The following SGCD variants were observed in gnomAD, a reference collection of about 807,000 sequenced individuals.
The protein encoded by SGCD is sarcoglycan delta.
A neutral mutation model predicts 36.6 loss-of-function variants in SGCD; 18 were observed. The observed-to-expected ratio is 0.49, with a 90% CI of 0.34 to 0.73. SGCD has a LOEUF of 0.73. Among genes scored for constraint, SGCD ranks in the 30% least tolerant of loss-of-function variants. The pLI, the probability that SGCD is intolerant of heterozygous loss-of-function variation, is 0.01. For synonymous variants in SGCD, 133 were observed against 130.6 expected (o/e 1.02, Z -0.12); for missense variants, 387 against 346.7 (o/e 1.12, Z -0.92).
chr5:156,215,695 G>A (rs775550615), intron 3 of SGCD, among the ~76,000 whole-genome samples: 11 of 152,114 alleles, frequency 7.2e-5, no homozygotes, highest in Non-Finnish European at 1.6e-4. Context: ...TATGAAAAAA[G>A]TGAGGATGTA....
At chr5:156,723,096 C>T (rs1225004045) in intron 7 of SGCD, among the ~76,000 whole-genome samples, 1 of 152,184 alleles carries the variant, frequency 6.6e-6, no homozygotes, top group Non-Finnish European at 1.5e-5. Flanking sequence ...GTAATGCCAG[C>T]ACTACCAAAT....
At chr5:155,739,841 G>A in the SGCD span, among the ~76,000 whole-genome samples, 3 of 152,100 alleles carry the variant, frequency 2.0e-5, no homozygotes, top group Non-Finnish European at 4.4e-5. Flanking sequence ...ATCATCTCAA[G>A]TAGGAAGGAG....
At chr5:156,197,908 G>A (rs901249061) in intron 3 of SGCD, among the ~76,000 whole-genome samples, 32 of 151,934 alleles carry the variant, frequency 2.1e-4, no homozygotes, top group Non-Finnish European at 4.7e-4. Context: ...ATTAACATAC[G>A]TATCCCCTCA....
chr5:156,194,034 T>A (rs2127633858), intron 3 of SGCD, among the ~76,000 whole-genome samples: 1 of 152,334 alleles, frequency 6.6e-6, no homozygotes, highest in African/African-American at 2.4e-5. Context: ...AAAATTTAAA[T>A]TTTTAAATAA....
intron 4 of SGCD, among the ~76,000 whole-genome samples, chr5:156,541,571 C>T (rs1206281136): frequency 6.6e-6 from 1 of 152,028 alleles, no homozygotes; most frequent in African/African-American, 2.4e-5. Context: ...TATTTTTAAA[C>T]AAATGTGTGT....
At chr5:156,544,861 A>G (rs951114637) in intron 4 of SGCD, among the ~76,000 whole-genome samples, 4 of 152,198 alleles carry the variant, frequency 2.6e-5, no homozygotes, top group African/African-American at 9.7e-5. Flanking sequence ...GATGTTAATA[A>G]CATCATTTAT....
At chr5:156,481,162 G>GT (rs1755408169) in intron 3 of SGCD, among the ~76,000 whole-genome samples, 1 of 152,162 alleles carries the variant, frequency 6.6e-6, no homozygotes, top group South Asian at 2.1e-4. Context: ...CATAACAAAA[G>GT]TAAGTATTAT....
chr5:156,704,693 C>T (rs956695374), intron 7 of SGCD, among the ~76,000 whole-genome samples: 3 of 152,046 alleles, frequency 2.0e-5, no homozygotes, highest in Non-Finnish European at 4.4e-5. Context: ...AGGTATCAAG[C>T]AATGACAAGA....
At chr5:156,192,582 C>T (rs138405350) in intron 3 of SGCD, among the ~76,000 whole-genome samples, 1,613 of 151,834 alleles carry the variant, frequency 0.011, 36 homozygotes, top group African/African-American at 0.036. Context: ...TAGTTAACAG[C>T]GTATTATGTA....
intron 1 of SGCD, among the ~76,000 whole-genome samples, chr5:156,070,773 G>T (rs1260338086): frequency 2.0e-5 from 3 of 152,138 alleles, no homozygotes; most frequent in African/African-American, 4.8e-5. Context: ...CACTCTTTTT[G>T]GTTGGTAAGC....
At chr5:156,112,707 A>C (rs1174424543) in intron 1 of SGCD, among the ~76,000 whole-genome samples, 1 of 152,080 alleles carries the variant, frequency 6.6e-6, no homozygotes, top group African/African-American at 2.4e-5. Flanking sequence ...AAATAGGTGA[A>C]TTGTTTGTTT....
rs909067126 is a variant in SGCD at position 156,656,495 on chromosome 5, G to T, written c.575+8959G>T. Among the ~76,000 whole-genome samples, 4 of 152,082 alleles carry T rather than the reference G, an allele frequency of 2.6e-5. No homozygotes were observed. The East Asian group carries it at 7.7e-4, about 29-fold the overall frequency. On this transcript the variant is annotated intron_variant, in intron 7 of 8. Coordinates refer to ENST00000337851, the MANE Select transcript of SGCD (RefSeq NM_000337.6). ...ATAGGTCTTATAATTCAAAAGGAATGGTTCTCTGGGGCCATTTAGCATGGG... is the reference window on the plus strand; with the variant it reads ...ATAGGTCTTATAATTCAAAAGGAATTGTTCTCTGGGGCCATTTAGCATGGG...
intron 4 of SGCD, among the ~76,000 whole-genome samples, chr5:156,543,645 A>G (rs998887260): frequency 3.3e-5 from 5 of 152,294 alleles, no homozygotes; most frequent in African/African-American, 1.2e-4. Flanking sequence ...ATGGGAAAAC[A>G]AATGTAAGGG....
chr5:155,966,773 A>G (rs770398959), intron 1 of SGCD, among the ~76,000 whole-genome samples: 1 of 152,134 alleles, frequency 6.6e-6, no homozygotes. Flanking sequence ...AGAGTTGCCT[A>G]ATGTTAATAT....
At chr5:156,479,020 G>A (rs1301458206) in intron 3 of SGCD, among the ~76,000 whole-genome samples, 2 of 151,972 alleles carry the variant, frequency 1.3e-5, no homozygotes, top group Admixed American at 1.3e-4. Context: ...TGTTGGGAGG[G>A]GATATATGTA....
At chr5:156,604,528 G>T (rs1189906964) in intron 6 of SGCD, among the ~76,000 whole-genome samples, 1 of 151,584 alleles carries the variant, frequency 6.6e-6, no homozygotes, top group Non-Finnish European at 1.5e-5. Context: ...TTCCTGTGGG[G>T]CTAACGTGAA....
chr5:156,094,620 T>C (rs1209745814), intron 1 of SGCD, among the ~76,000 whole-genome samples: 1 of 152,216 alleles, frequency 6.6e-6, no homozygotes, highest in African/African-American at 2.4e-5. Flanking sequence ...TAACAAATCA[T>C]CTTTCTCTTA....
intron 1 of SGCD, among the ~76,000 whole-genome samples, chr5:156,044,098 G>T (rs1759705407): frequency 6.6e-6 from 1 of 152,276 alleles, no homozygotes; most frequent in South Asian, 2.1e-4. Context: ...GGGGATGTTT[G>T]CTCTGGACTG....
chr5:155,820,787 C>G, the SGCD span, among the ~76,000 whole-genome samples: 1 of 152,002 alleles, frequency 6.6e-6, no homozygotes, highest in African/African-American at 2.4e-5. Flanking sequence ...GTGGTTATAT[C>G]CCCTGAACAT....
Sources: allele counts gnomAD v4.1 joint callset (sites outside exome capture counted in the v4.1 genomes callset), GRCh38; gene constraint gnomAD v4.1.1; transcripts MANE v1.5; gene names NCBI Gene and HGNC (gene_info 2026-07-23, HGNC 2026-07-21).